The following SYT14 variants were observed in gnomAD, a reference collection of about 807,000 sequenced individuals.
SYT14 encodes synaptotagmin-14.
Under a neutral mutation model 74.2 loss-of-function variants are expected in SYT14, and 32 were observed. The observed-to-expected ratio is 0.43, with a 90% confidence interval of 0.33 to 0.58. The LOEUF is 0.58. Ranked by LOEUF, SYT14 falls within the 20% of genes least tolerant of loss-of-function variation. SYT14 has a pLI of 0.05. For missense variants in SYT14, 791 were observed against 981.8 expected, an observed-to-expected ratio of 0.81 and a Z score of 2.60; for synonymous variants, 298 against 337.7, an observed-to-expected ratio of 0.88 and a Z score of 1.29.
chr1:210,052,907 AT>A (rs1281289772), intron 5 of SYT14, among the ~76,000 whole-genome samples: 1 of 151,950 alleles, frequency 6.6e-6, no homozygotes, highest in African/African-American at 2.4e-5. Context: ...TTACCTTTAA[AT>A]TTTAGATGTG....
exon 10 of SYT14, chr1:210,164,381 G>A (rs17188190): frequency 0.1 from 18,119 of 178,950 alleles, 1,279 homozygotes; most frequent in Non-Finnish European, 0.13. Flanking sequence ...CCAACCTAGC[G>A]AAAATGCCCA....
chr1:210,029,048 T>C (rs1183384749), intron 5 of SYT14, among the ~76,000 whole-genome samples: 2 of 152,218 alleles, frequency 1.3e-5, no homozygotes, highest in African/African-American at 4.8e-5. Context: ...TCATTTCATG[T>C]GCTTATTGGC....
intron 2 of SYT14, among the ~76,000 whole-genome samples, chr1:209,956,318 T>A (rs2078991752): frequency 6.6e-6 from 1 of 152,156 alleles, no homozygotes; most frequent in Admixed American, 6.5e-5. Context: ...GGTTTTTTTC[T>A]CTCTTTTGTG....
chr1:210,161,474 T>C, exon 10 of SYT14: 2 of 454,300 alleles, frequency 4.4e-6, no homozygotes, highest in Non-Finnish European at 8.8e-6. Flanking sequence ...CTGGTGTTTG[T>C]AATGTTCTTT....
At chr1:210,017,166 A>T in intron 4 of SYT14, 2 of 1,103,096 alleles carry the variant, frequency 1.8e-6, no homozygotes, top group Non-Finnish European at 2.3e-6. Flanking sequence ...TTAGTAAAAC[A>T]TCATCCAAAT....
Position 210,093,733 on chromosome 1 carries a change from G to A in SYT14, c.1313-589G>A, listed in dbSNP as rs533008140. ...CAGCCTCCAGTCTTTGCAGATTGAT[G>A]GATGTTCGCAAACAGGGAATGGGCC... is the stretch of plus-strand genomic sequence containing the variant. On this transcript the variant is annotated intron_variant, in intron 5 of 9. Transcript: ENST00000637265. Among the ~76,000 whole-genome samples, 19 of 152,276 alleles carry A rather than the reference G, an allele frequency of 1.2e-4. 1 individual carries two copies. In the South Asian group the frequency reaches 3.5e-3, roughly 28 times the overall value.
intron 7 of SYT14, among the ~76,000 whole-genome samples, chr1:210,119,197 G>A (rs2082413274): frequency 6.6e-6 from 1 of 152,096 alleles, no homozygotes; most frequent in Non-Finnish European, 1.5e-5. Flanking sequence ...AAGAATTATG[G>A]ATATATCTGC....
In SYT14 at chr1:210,010,875, A is replaced by G. The variant is rs145757566; in HGVS notation, c.-485-2758A>G. ...CATAGTTTAATATCTCTTTGTCTCA[A>G]TTTACAATGGGGATGATAATAGGAT... is the stretch of plus-strand genomic sequence containing the variant. On this transcript the variant is annotated intron_variant, in intron 2 of 9. Transcript: ENST00000637265. Among the ~76,000 whole-genome samples, 1,173 of 152,318 alleles carry G rather than the reference A, an allele frequency of 7.7e-3. 6 individuals are homozygous for G. Among genetic ancestry groups the G allele is most frequent in the Non-Finnish European group, 0.012 (848 of 68,026 alleles).
intron 5 of SYT14, among the ~76,000 whole-genome samples, chr1:210,070,486 G>A (rs1351241111): frequency 6.6e-6 from 1 of 152,064 alleles, no homozygotes; most frequent in African/African-American, 2.4e-5. Flanking sequence ...TTGCTTTTTA[G>A]TAGCAGACCA....
At chr1:210,034,939 G>T (rs1212079798) in intron 5 of SYT14, among the ~76,000 whole-genome samples, 1 of 151,850 alleles carries the variant, frequency 6.6e-6, no homozygotes, top group African/African-American at 2.4e-5. Flanking sequence ...AAACATAGAA[G>T]TGCAGGTATC....
At chr1:210,050,088 T>G (rs1050046340) in intron 5 of SYT14, among the ~76,000 whole-genome samples, 4 of 152,306 alleles carry the variant, frequency 2.6e-5, no homozygotes, top group South Asian at 4.1e-4. Context: ...TTCTGTCACA[T>G]TGTCAGGCTG....
chr1:209,989,863 C>T (rs1465936087), intron 2 of SYT14, among the ~76,000 whole-genome samples: 4 of 151,864 alleles, frequency 2.6e-5, no homozygotes, highest in Non-Finnish European at 4.4e-5. Flanking sequence ...ATGTCCAAGG[C>T]GTCGTTTTTA....
At chr1:210,052,138 T>C (rs574245876) in intron 5 of SYT14, among the ~76,000 whole-genome samples, 26 of 152,326 alleles carry the variant, frequency 1.7e-4, no homozygotes, top group African/African-American at 6.0e-4. Flanking sequence ...AAGAGCAATT[T>C]ATTTGGATTC....
chr1:210,026,847 GT>G (rs2080424778), intron 5 of SYT14, among the ~76,000 whole-genome samples: 1 of 151,730 alleles, frequency 6.6e-6, no homozygotes, highest in Non-Finnish European at 1.5e-5. Flanking sequence ...ATTAAAAATT[GT>G]TTTATTAATT....
intron 2 of SYT14, among the ~76,000 whole-genome samples, chr1:209,975,586 T>C (rs2079346184): frequency 6.6e-6 from 1 of 152,238 alleles, no homozygotes; most frequent in Non-Finnish European, 1.5e-5. Flanking sequence ...CTTTTTGATA[T>C]GCTGCTGGAT....
intron 7 of SYT14, among the ~76,000 whole-genome samples, chr1:210,144,365 T>G (rs1465583005): frequency 6.6e-6 from 1 of 152,168 alleles, no homozygotes; most frequent in Non-Finnish European, 1.5e-5. Flanking sequence ...GATATAACTA[T>G]TAAGGAAGTA....
chr1:210,082,198 T>G, intron 5 of SYT14, among the ~76,000 whole-genome samples: 1 of 152,178 alleles, frequency 6.6e-6, no homozygotes, highest in East Asian at 1.9e-4. Context: ...ATTTGAGTTT[T>G]AAGTTGTATT....
rs1329166905 is a variant in SYT14 at position 209,976,067 on chromosome 1, T to TA, written c.-486+23312dup. ...TGGTGATATCCCCTTTATCATTTTT[T>TA]ATTGCATCTATTTGATTCTTCTCTC... On this transcript the variant is annotated intron_variant, in intron 2 of 9. Coordinates refer to ENST00000637265, the Ensembl canonical transcript of SYT14. Among the ~76,000 whole-genome samples the TA allele has an allele frequency of 5.3e-5, 8 of 152,314 alleles. No homozygotes were observed. The South Asian group carries it at 6.2e-4, about 12-fold the overall frequency.
chr1:210,015,789 T>A, exon 4 of SYT14: 1 of 898,696 alleles, frequency 1.1e-6, no homozygotes, highest in Non-Finnish European at 1.4e-6. Flanking sequence ...ACCAAGTGGT[T>A]TGATTTTTTT....
Sources: gnomAD v4.1 joint callset for allele counts (sites outside exome capture counted in the v4.1 genomes callset) on GRCh38, gnomAD v4.1.1 for gene constraint, MANE v1.5 for transcripts, NCBI Gene and HGNC (gene_info 2026-07-23, HGNC 2026-07-21) for gene names.